AEBP2: variants seen among roughly 807,000 people sequenced by gnomAD.
AEBP2 encodes AE binding protein 2.
Under a neutral mutation model 50.8 loss-of-function variants are expected in AEBP2, and 10 were observed. The observed-to-expected ratio is 0.20, with a 90% confidence interval of 0.12 to 0.33. The LOEUF is 0.33. Among genes scored for constraint, AEBP2 ranks in the 10% least tolerant of loss-of-function variants. AEBP2 has a pLI of 1.00. For synonymous variants in AEBP2, 296 were observed against 261.3 expected (o/e 1.13, Z -1.28); for missense variants, 570 against 688.0 (o/e 0.83, Z 1.92).
chr12:19,465,063 T>C (rs1448903741), intron 2 of AEBP2, among the ~76,000 whole-genome samples: 1 of 152,112 alleles, frequency 6.6e-6, no homozygotes, highest in East Asian at 1.9e-4. Flanking sequence ...AAATATCACT[T>C]GATTACCAAT....
rs143253137 is a variant in AEBP2 at position 19,442,785 on chromosome 12, A to G, written c.671+2415A>G. Among the ~76,000 whole-genome samples the G allele has an allele frequency of 2.8e-3, 430 of 152,308 alleles. 6 individuals carry two copies. Among genetic ancestry groups the G allele is most frequent in the African/African-American group, 9.9e-3 (412 of 41,560 alleles). ...GGGTCTTAATAATCTTAATTCTGAA[A>G]CATCTTCTTGTTGCCTTTGAGATTT... is the stretch of plus-strand genomic sequence containing the variant. On this transcript the variant is annotated intron_variant, in intron 1 of 7. Transcript: ENST00000266508.
At chr12:19,452,787 CAT>C (rs1948186344) in intron 1 of AEBP2, among the ~76,000 whole-genome samples, 1 of 152,022 alleles carries the variant, frequency 6.6e-6, no homozygotes. Context: ...GCGGGAGAGA[CAT>C]AGTGTAATCT....
intron 1 of AEBP2, among the ~76,000 whole-genome samples, chr12:19,458,653 T>C (rs1173965093): frequency 6.6e-6 from 1 of 152,208 alleles, no homozygotes; most frequent in African/African-American, 2.4e-5. Flanking sequence ...CAAAAGTACA[T>C]GAAGTACTAT....
chr12:19,477,204 G>T (rs1020425429), intron 3 of AEBP2, among the ~76,000 whole-genome samples: 3 of 152,128 alleles, frequency 2.0e-5, no homozygotes, highest in Non-Finnish European at 4.4e-5. Context: ...AAGCTTTTTG[G>T]ATGAGTCTTT....
chr12:19,513,673 AGATT>A (rs1260337629), intron 6 of AEBP2, among the ~76,000 whole-genome samples: 1 of 152,144 alleles, frequency 6.6e-6, no homozygotes, highest in Non-Finnish European at 1.5e-5. Flanking sequence ...TGAGGCGGGA[AGATT>A]GATTGAGCCC....
intron 1 of AEBP2, among the ~76,000 whole-genome samples, chr12:19,412,939 C>T (rs2095740185): frequency 6.6e-6 from 1 of 152,208 alleles, no homozygotes; most frequent in Admixed American, 6.5e-5. Flanking sequence ...GGCCATGCCG[C>T]TTTCCCCGTC....
At chr12:19,501,793 G>A (rs1949081432) in intron 5 of AEBP2, among the ~76,000 whole-genome samples, 1 of 35,180 alleles carries the variant, frequency 2.8e-5, no homozygotes, top group Non-Finnish European at 7.5e-5. Flanking sequence ...ATAAAAATGA[G>A]TTTGTTTTTT....
At chr12:19,481,201 A>G (rs762749724) in intron 3 of AEBP2, among the ~76,000 whole-genome samples, 1 of 147,602 alleles carries the variant, frequency 6.8e-6, no homozygotes, top group Non-Finnish European at 1.5e-5. Flanking sequence ...TCCAGGTTCA[A>G]GTGATTCTCT....
rs543339651 is a variant in AEBP2, at chr12:19,513,050, A to G, written c.1367+585A>G. Among the ~76,000 whole-genome samples, 5 of 152,284 alleles carry G rather than the reference A, an allele frequency of 3.3e-5. No homozygotes were observed. The South Asian group carries it at 8.3e-4, about 25-fold the overall frequency. ...TTTGTTTTGTTTTTTGAGATGCTCAACCTGGGCATCAGTGAGACTCTGTCT... is the reference window on the plus strand; with the variant it reads ...TTTGTTTTGTTTTTTGAGATGCTCAGCCTGGGCATCAGTGAGACTCTGTCT... On this transcript the variant is annotated intron_variant, in intron 6 of 7. Transcript: ENST00000266508.
intron 3 of AEBP2, among the ~76,000 whole-genome samples, chr12:19,483,264 AC>A: frequency 6.6e-6 from 1 of 152,232 alleles, no homozygotes; most frequent in Admixed American, 6.5e-5. Context: ...GGCATTTCCC[AC>A]TGCTGCTTCT....
intron 3 of AEBP2, among the ~76,000 whole-genome samples, chr12:19,490,129 A>G (rs776851280): frequency 4.7e-5 from 7 of 148,706 alleles, no homozygotes; most frequent in Non-Finnish European, 8.9e-5. Flanking sequence ...TTGTGCGTGC[A>G]CTTGGACTAA....
chr12:19,422,122 A>G (rs1445478964), intron 1 of AEBP2, among the ~76,000 whole-genome samples: 1 of 152,160 alleles, frequency 6.6e-6, no homozygotes, highest in East Asian at 1.9e-4. Context: ...GGCCTGGGTG[A>G]TAGAGCAAGA....
intron 4 of AEBP2, 117 bp downstream of exon 4, chr12:19,494,103 AGGATG>A: frequency 2.6e-6 from 3 of 1,136,630 alleles, no homozygotes; most frequent in Non-Finnish European, 3.7e-6. Flanking sequence ...ACAAACAGGT[AGGATG>A]CCTGTCTGTC....
intron 2 of AEBP2, 44 bp from the exon 3 acceptor site, chr12:19,473,204 G>A: frequency 1.0e-6 from 1 of 958,656 alleles, no homozygotes; most frequent in Non-Finnish European, 1.4e-6. Context: ...AACTCTTCTT[G>A]AGATAAGTCA....
At chr12:19,417,574 A>C (rs2095743296) in intron 1 of AEBP2, among the ~76,000 whole-genome samples, 1 of 150,042 alleles carries the variant, frequency 6.7e-6, no homozygotes, top group South Asian at 2.1e-4. Context: ...CACCCGGCCA[A>C]TTTTTATATT....
At chr12:19,504,469 T>C (rs1389914466) in intron 5 of AEBP2, among the ~76,000 whole-genome samples, 1 of 152,006 alleles carries the variant, frequency 6.6e-6, no homozygotes, top group Non-Finnish European at 1.5e-5. Context: ...CTCGATCTCC[T>C]GACCTTGTGA....
chr12:19,505,691 A>T (rs933115061), intron 5 of AEBP2, among the ~76,000 whole-genome samples: 2 of 152,348 alleles, frequency 1.3e-5, no homozygotes, highest in Admixed American at 6.5e-5. Context: ...ACCTTGGTGG[A>T]CTAAGACCTT....
At chr12:19,456,841 C>T in intron 1 of AEBP2, 1 of 1,540,160 alleles carries the variant, frequency 6.5e-7, no homozygotes, top group Non-Finnish European at 9.0e-7. Context: ...TCCACTCGGC[C>T]AACAGGAACA....
At chr12:19,455,377 G>T (rs1948249980) in intron 1 of AEBP2, among the ~76,000 whole-genome samples, 1 of 152,166 alleles carries the variant, frequency 6.6e-6, no homozygotes, top group Admixed American at 6.6e-5. Context: ...GTTTCTTAAA[G>T]ATTATTTGCA....
Sources: allele counts gnomAD v4.1 joint callset (sites outside exome capture counted in the v4.1 genomes callset), GRCh38; gene constraint gnomAD v4.1.1; transcripts MANE v1.5; gene names NCBI Gene and HGNC (gene_info 2026-07-23, HGNC 2026-07-21).